VAV2: variants seen among roughly 807,000 people sequenced by gnomAD.
The protein encoded by VAV2 is vav guanine nucleotide exchange factor 2.
In VAV2, 67 loss-of-function variants were observed where a neutral mutation model predicts 132.5. The ratio of observed to expected loss-of-function variants is 0.51; its 90% CI spans 0.42 to 0.62. The LOEUF (loss-of-function observed/expected upper bound fraction) is 0.62. VAV2 is among the 20% of genes least tolerant of loss of function. The pLI is 0.00. For missense variants in VAV2, 938 were observed against 1,153.6 expected (o/e 0.81, Z 2.71); for synonymous variants, 492 against 443.5 (o/e 1.11, Z -1.37).
intron 2 of VAV2, among the ~76,000 whole-genome samples, chr9:133,898,572 C>T (rs191296719): frequency 1.1e-4 from 17 of 152,018 alleles, no homozygotes; most frequent in Admixed American, 7.2e-4. Flanking sequence ...CCAGCCTGGG[C>T]GACACAGCGA....
intron 1 of VAV2, among the ~76,000 whole-genome samples, chr9:133,982,413 G>C: frequency 7.9e-6 from 1 of 126,462 alleles, no homozygotes; most frequent in South Asian, 2.5e-4. Flanking sequence ...TGGCAGGGCA[G>C]GAGGCCACAA....
chr9:133,764,166 G>T, intron 29 of VAV2, 57 bp from the exon 30 acceptor site: 1 of 1,610,142 alleles, frequency 6.2e-7, no homozygotes, highest in Non-Finnish European at 8.5e-7. Context: ...AAGCAGGTGT[G>T]TGCATGTCTA....
intron 15 of VAV2, among the ~76,000 whole-genome samples, chr9:133,787,694 C>G (rs1834282444): frequency 6.7e-6 from 1 of 148,652 alleles, no homozygotes; most frequent in Non-Finnish European, 1.5e-5. Context: ...CTGAACCAGA[C>G]AGCCAGCCAG....
intron 2 of VAV2, among the ~76,000 whole-genome samples, chr9:133,900,897 C>G (rs1427611143): frequency 6.6e-6 from 1 of 151,842 alleles, no homozygotes; most frequent in Non-Finnish European, 1.5e-5. Flanking sequence ...CTCCCGGGTT[C>G]GTGCAATTCT....
chr9:133,822,641 G>C (rs759682791), intron 4 of VAV2, among the ~76,000 whole-genome samples: 1 of 152,090 alleles, frequency 6.6e-6, no homozygotes, highest in African/African-American at 2.4e-5. Flanking sequence ...CACCCAGCTC[G>C]CCAAGCCACA....
intron 25 of VAV2, among the ~76,000 whole-genome samples, chr9:133,774,336 A>G (rs763468228): frequency 2.0e-5 from 3 of 152,156 alleles, no homozygotes; most frequent in African/African-American, 2.4e-5. Context: ...GGCACACAGA[A>G]GGCTTTCTGA....
intron 3 of VAV2, among the ~76,000 whole-genome samples, chr9:133,855,977 A>G (rs951971074): frequency 3.3e-5 from 5 of 152,238 alleles, no homozygotes; most frequent in Admixed American, 6.5e-5. Context: ...CACGGCCATA[A>G]AGAGGAATGA....
chr9:133,875,311 G>C (rs967525412), intron 2 of VAV2, among the ~76,000 whole-genome samples: 1 of 152,198 alleles, frequency 6.6e-6, no homozygotes, highest in Non-Finnish European at 1.5e-5. Context: ...GCTTCACAGA[G>C]CCAACTGCCC....
intron 3 of VAV2, among the ~76,000 whole-genome samples, chr9:133,856,816 C>CT: frequency 6.6e-6 from 1 of 152,178 alleles, no homozygotes; most frequent in Non-Finnish European, 1.5e-5. Flanking sequence ...GTCACATCTC[C>CT]TTTTTCTGAC....
intron 1 of VAV2, among the ~76,000 whole-genome samples, chr9:133,953,747 A>G (rs535623270): frequency 2.2e-4 from 34 of 152,036 alleles, no homozygotes; most frequent in Non-Finnish European, 3.2e-4. Flanking sequence ...CAAATCCTGA[A>G]GGTCCCCCAC....
intron 1 of VAV2, among the ~76,000 whole-genome samples, chr9:133,974,674 G>A (rs866014834): frequency 6.6e-6 from 1 of 152,034 alleles, no homozygotes; most frequent in Non-Finnish European, 1.5e-5. Flanking sequence ...CCTTAACGTG[G>A]TCCTCTTCCT....
At chr9:133,966,471 C>T (rs1461640498) in intron 1 of VAV2, among the ~76,000 whole-genome samples, 4 of 152,170 alleles carry the variant, frequency 2.6e-5, no homozygotes, top group East Asian at 3.8e-4. Context: ...TTTGAGAGGC[C>T]GAGGCGGGAA....
intron 2 of VAV2, among the ~76,000 whole-genome samples, chr9:133,887,460 C>A (rs1162487912): frequency 6.6e-6 from 1 of 152,120 alleles, no homozygotes; most frequent in Non-Finnish European, 1.5e-5. Context: ...ACAGCAATGG[C>A]AGCCCCAGGG....
chr9:133,860,476 G>C (rs1348045062), intron 3 of VAV2, among the ~76,000 whole-genome samples: 1 of 152,038 alleles, frequency 6.6e-6, no homozygotes, highest in Non-Finnish European at 1.5e-5. Flanking sequence ...GGGCAACTGC[G>C]CCACCCAAAA....
Position 133,877,889 on chromosome 9 carries a change from A to G in VAV2, c.322-16457T>C, listed in dbSNP as rs547372567. 1.2e-4 allele frequency among the ~76,000 whole-genome samples: 18 copies of G among 152,346 alleles called. No individual in the cohort carries two copies. In the South Asian group the frequency reaches 3.7e-3, roughly 32 times the overall value. ...GAAGCGATGACTTAGTAACTCGGTT[A>G]TTAAGTGCAAGCGTTAACACAGGAC... On this transcript the variant is annotated intron_variant, in intron 2 of 29. Coordinates refer to ENST00000371850, the MANE Select transcript of VAV2 (RefSeq NM_001134398.2).
chr9:133,968,148 TAC>T (rs1452700586), intron 1 of VAV2, among the ~76,000 whole-genome samples: 1 of 152,008 alleles, frequency 6.6e-6, no homozygotes, highest in Non-Finnish European at 1.5e-5. Context: ...GCAGGAGGAT[TAC>T]AGTTAACGAT....
chr9:133,891,841 GA>G, intron 2 of VAV2, among the ~76,000 whole-genome samples: 1 of 63,436 alleles, frequency 1.6e-5, no homozygotes. Flanking sequence ...GAGAGGGATG[GA>G]AGGGGATGGA....
chr9:133,786,828 C>A (rs992662707), intron 16 of VAV2, among the ~76,000 whole-genome samples: 3 of 151,450 alleles, frequency 2.0e-5, no homozygotes, highest in African/African-American at 7.3e-5. Flanking sequence ...GAAAAGATGG[C>A]GGGAAAGAGG....
At chr9:133,903,389 G>A (rs568772751) in intron 2 of VAV2, among the ~76,000 whole-genome samples, 23 of 152,166 alleles carry the variant, frequency 1.5e-4, no homozygotes, top group Non-Finnish European at 3.4e-4. Flanking sequence ...ACCCTGCACC[G>A]GGATTCCCTC....
Sources: allele counts gnomAD v4.1 joint callset (sites outside exome capture counted in the v4.1 genomes callset), GRCh38; gene constraint gnomAD v4.1.1; transcripts MANE v1.5; gene names NCBI Gene and HGNC (gene_info 2026-07-23, HGNC 2026-07-21).